The following PDE1A variants were observed in gnomAD, a reference collection of about 807,000 sequenced individuals.
PDE1A encodes phosphodiesterase 1A, also known as dual specificity calcium/calmodulin-dependent 3',5'-cyclic nucleotide phosphodiesterase 1A.
A neutral mutation model predicts 61.7 loss-of-function variants in PDE1A; 35 were observed. The observed-to-expected ratio is 0.57, with a 90% CI of 0.43 to 0.75. The LOEUF is 0.75. Ranked by LOEUF, PDE1A falls within the 30% of genes least tolerant of loss-of-function variation. The probability of loss-of-function intolerance (pLI) is 0.00; values close to 1 mark genes in which losing one functional copy is unlikely to be tolerated. For missense variants in PDE1A, 597 were observed against 630.6 expected, an observed-to-expected ratio of 0.95 and a Z score of 0.57; for synonymous variants, 232 against 213.2, an observed-to-expected ratio of 1.09 and a Z score of -0.77.
chr2:182,641,415 C>A, the PDE1A span, among the ~76,000 whole-genome samples: 4 of 152,278 alleles, frequency 2.6e-5, no homozygotes, highest in African/African-American at 7.2e-5. Context: ...TATTTCATAA[C>A]TAATACAAAG....
upstream of PDE1A, among the ~76,000 whole-genome samples, chr2:182,429,046 T>C (rs1223491721): frequency 1.3e-5 from 2 of 152,118 alleles, no homozygotes; most frequent in African/African-American, 4.8e-5. Context: ...ACATACTTCA[T>C]TACCTTAGGT....
At chr2:182,219,998 T>C (rs914887589) in intron 7 of PDE1A, among the ~76,000 whole-genome samples, 1 of 152,120 alleles carries the variant, frequency 6.6e-6, no homozygotes, top group Non-Finnish European at 1.5e-5. Flanking sequence ...CTGTGTCTGA[T>C]AGTCTGCCAG....
chr2:182,462,872 T>C (rs1574718980), intron 2 of PDE1A, among the ~76,000 whole-genome samples: 1 of 152,354 alleles, frequency 6.6e-6, no homozygotes, highest in Admixed American at 6.5e-5. Context: ...ATCTGTTTTA[T>C]GAGTTTTAAG....
the PDE1A span, among the ~76,000 whole-genome samples, chr2:182,620,924 T>G: frequency 1.3e-5 from 2 of 152,274 alleles, no homozygotes; most frequent in South Asian, 4.1e-4. Flanking sequence ...ATATCCAGTA[T>G]GCTGTCCACC....
chr2:182,206,776 T>C (rs1031776067), intron 7 of PDE1A, among the ~76,000 whole-genome samples: 2 of 152,196 alleles, frequency 1.3e-5, no homozygotes, highest in African/African-American at 2.4e-5. Context: ...ACTTCCCCCA[T>C]GCTGTTCTTG....
At chr2:182,145,855 T>C (rs1214507120), downstream of PDE1A, among the ~76,000 whole-genome samples, 1 of 152,246 alleles carries the variant, frequency 6.6e-6, no homozygotes, top group Admixed American at 6.5e-5. Flanking sequence ...AACAACTAAC[T>C]GTCTTTGTAA....
intron 7 of PDE1A, among the ~76,000 whole-genome samples, chr2:182,212,237 A>C (rs1423400245): frequency 1.6e-5 from 2 of 127,264 alleles, no homozygotes; most frequent in Non-Finnish European, 1.7e-5. Flanking sequence ...AAACATATAT[A>C]TCTTTCTATA....
chr2:182,225,364 T>C (rs182801692), intron 6 of PDE1A, among the ~76,000 whole-genome samples: 24 of 152,058 alleles, frequency 1.6e-4, no homozygotes, highest in Middle Eastern at 3.4e-3. Flanking sequence ...AAAGCCATTG[T>C]AGGTCCATGA....
intron 1 of PDE1A, among the ~76,000 whole-genome samples, chr2:182,289,404 G>A (rs773602510): frequency 6.6e-6 from 1 of 152,016 alleles, no homozygotes; most frequent in African/African-American, 2.4e-5. Flanking sequence ...TTGAGGGAGA[G>A]CCCAGCTTCA....
At chr2:182,366,119 G>T (rs536734224) in intron 1 of PDE1A, among the ~76,000 whole-genome samples, 5 of 152,176 alleles carry the variant, frequency 3.3e-5, no homozygotes, top group Non-Finnish European at 5.9e-5. Context: ...AGCAGGCACT[G>T]TGAGAAGTTT....
At chr2:182,233,360 G>A (rs1050951161) in intron 4 of PDE1A, among the ~76,000 whole-genome samples, 8 of 151,964 alleles carry the variant, frequency 5.3e-5, no homozygotes, top group Non-Finnish European at 1.5e-5. Context: ...ACCCTCACAC[G>A]CACATTTCAC....
the PDE1A span, among the ~76,000 whole-genome samples, chr2:182,631,399 A>G: frequency 0.51 from 76,934 of 151,992 alleles, 20,241 homozygotes; most frequent in Admixed American, 0.63. Flanking sequence ...ATACTGGTGC[A>G]CTGCACCCAC....
chr2:182,644,263 CTGTG>C, the PDE1A span, among the ~76,000 whole-genome samples: 2,733 of 123,090 alleles, frequency 0.022, 76 homozygotes, highest in African/African-American at 0.066. Flanking sequence ...TCTTAAGACT[CTGTG>C]TGTGTGTGTG....
chr2:182,378,340 C>T (rs555619283), intron 1 of PDE1A, among the ~76,000 whole-genome samples: 6 of 151,772 alleles, frequency 4.0e-5, no homozygotes, highest in Middle Eastern at 3.4e-3. Flanking sequence ...GTGAAGGGGG[C>T]GTATCAATAT....
chr2:182,357,576 GTTTATTTA>G (rs781253448), intron 1 of PDE1A, among the ~76,000 whole-genome samples: 4 of 151,950 alleles, frequency 2.6e-5, no homozygotes, highest in Admixed American at 2.6e-4. Context: ...CAGAAAGTGT[GTTTATTTA>G]TTTATTTATT....
At chr2:182,449,483 C>G (rs1193695762) in intron 2 of PDE1A, among the ~76,000 whole-genome samples, 1 of 151,964 alleles carries the variant, frequency 6.6e-6, no homozygotes, top group Non-Finnish European at 1.5e-5. Flanking sequence ...CACCTCATTA[C>G]CTCTTCCTAT....
intron 1 of PDE1A, among the ~76,000 whole-genome samples, chr2:182,358,685 G>A (rs1375235468): frequency 6.6e-6 from 1 of 152,022 alleles, no homozygotes; most frequent in Non-Finnish European, 1.5e-5. Flanking sequence ...TTTTTTGAAG[G>A]CTTACTAAGC....
chr2:182,190,897 A>G (rs764616673), intron 10 of PDE1A, among the ~76,000 whole-genome samples: 23 of 152,118 alleles, frequency 1.5e-4, no homozygotes, highest in Non-Finnish European at 3.1e-4. Context: ...TAGAGGTTGC[A>G]GTGAGCCGAG....
exon 12 of PDE1A, chr2:182,186,510 T>C (rs1185743051): frequency 6.2e-7 from 1 of 1,613,200 alleles, no homozygotes; most frequent in Admixed American, 1.7e-5. Context: ...TGAGGCTTCC[T>C]CTATAAGAGG....
Sources: gnomAD v4.1 joint callset for allele counts (sites outside exome capture counted in the v4.1 genomes callset) on GRCh38, gnomAD v4.1.1 for gene constraint, MANE v1.5 for transcripts, NCBI Gene and HGNC (gene_info 2026-07-23, HGNC 2026-07-21) for gene names.